The following EIF4G3 variants were observed in gnomAD, a reference collection of about 807,000 sequenced individuals.
EIF4G3 encodes the protein eIF-4-gamma 3.
Under a neutral mutation model 186.4 loss-of-function variants are expected in EIF4G3, and 34 were observed. The observed-to-expected ratio is 0.18, with a 90% CI of 0.14 to 0.24. The LOEUF is 0.24. EIF4G3 is among the 10% of genes least tolerant of loss of function. The pLI, the probability that EIF4G3 is intolerant of heterozygous loss-of-function variation, is 1.00. For missense variants in EIF4G3, 1,536 were observed against 1,948.5 expected, an observed-to-expected ratio of 0.79 and a Z score of 3.99; for synonymous variants, 673 against 679.5, an observed-to-expected ratio of 0.99 and a Z score of 0.15.
At chr1:21,069,100 C>T (rs1013499802) in intron 3 of EIF4G3, among the ~76,000 whole-genome samples, 4 of 152,164 alleles carry the variant, frequency 2.6e-5, no homozygotes, top group African/African-American at 9.7e-5. Flanking sequence ...TTTCATGGCT[C>T]ATTACACTAT....
At chr1:21,045,179 C>T (rs1275090113) in intron 4 of EIF4G3, among the ~76,000 whole-genome samples, 1 of 152,042 alleles carries the variant, frequency 6.6e-6, no homozygotes, top group African/African-American at 2.4e-5. Context: ...AGTCAATGAA[C>T]AATTATGAGA....
chr1:20,990,126 A>G (rs2080742669), intron 7 of EIF4G3, among the ~76,000 whole-genome samples: 2 of 152,218 alleles, frequency 1.3e-5, no homozygotes, highest in Admixed American at 1.3e-4. Flanking sequence ...GTGAGCAGAG[A>G]TTATGCCACT....
chr1:21,084,215 C>T (rs2095882807), intron 3 of EIF4G3, among the ~76,000 whole-genome samples: 1 of 149,802 alleles, frequency 6.7e-6, no homozygotes, highest in Non-Finnish European at 1.5e-5. Flanking sequence ...ATAGAACTAC[C>T]TGAGACTGTG....
intron 13 of EIF4G3, among the ~76,000 whole-genome samples, chr1:20,947,047 A>T (rs1391814824): frequency 6.6e-6 from 1 of 152,210 alleles, no homozygotes; most frequent in Non-Finnish European, 1.5e-5. Context: ...ACAGTGAAGA[A>T]GGAAATTTTT....
At chr1:21,143,277 A>AGG (rs1387322765) in intron 2 of EIF4G3, among the ~76,000 whole-genome samples, 1 of 150,434 alleles carries the variant, frequency 6.6e-6, no homozygotes, top group Non-Finnish European at 1.5e-5. Context: ...AAAGGAGAGG[A>AGG]GGGGAGGGGA....
chr1:20,875,280 G>C (rs2080429925), intron 20 of EIF4G3, among the ~76,000 whole-genome samples: 1 of 152,144 alleles, frequency 6.6e-6, no homozygotes, highest in African/African-American at 2.4e-5. Flanking sequence ...CACTGCACCT[G>C]GTCCTAGTTA....
intron 12 of EIF4G3, among the ~76,000 whole-genome samples, chr1:20,953,123 C>T (rs1178119285): frequency 6.6e-6 from 1 of 152,074 alleles, no homozygotes; most frequent in Non-Finnish European, 1.5e-5. Flanking sequence ...GGAATGAAAA[C>T]TTATAAAATC....
chr1:20,979,100 C>G (rs1204048649), intron 10 of EIF4G3, among the ~76,000 whole-genome samples: 2 of 152,078 alleles, frequency 1.3e-5, no homozygotes, highest in Non-Finnish European at 2.9e-5. Context: ...CTTAATTTTT[C>G]TAGTATCTAC....
chr1:20,857,439 C>G lies in EIF4G3; in HGVS notation c.3303G>C (p.Arg1101=), dbSNP rs750419063. The G allele has an allele frequency of 3.1e-6, 5 of 1,613,898 alleles. No individual in the cohort carries two copies. The East Asian group carries it at 1.1e-4, about 36-fold the overall frequency. The change falls in exon 25 of 37, where the codon CGG becomes CGC. Residue 1101 remains arginine (R), a synonymous_variant. Coordinates refer to ENST00000602326, the MANE Select transcript of EIF4G3 (RefSeq NM_001391906.1). ...TTAGGAATTTTGAGGGGTCCAGTAC[C>G]CGACTGTTCTTGGCCCCTTGTACAG... ...WNTVQGAKNS[R]VLDPSKFLKI...
rs935688678 is a variant in EIF4G3 at position 20,986,591 on chromosome 1, C to A, written c.178-4183G>T. 2.0e-5 allele frequency among the ~76,000 whole-genome samples: 3 copies of A among 150,844 alleles called. No individual in the cohort carries two copies. In the East Asian group the frequency reaches 5.8e-4, roughly 29 times the overall value. ...AAACCCCGTCTCCACTAAAAAAATA[C>A]AAAAAAAATTAGCTGGGCGTGGTGG... On this transcript the variant is annotated intron_variant, in intron 7 of 36. Coordinates refer to ENST00000602326, the MANE Select transcript of EIF4G3 (RefSeq NM_001391906.1).
At chr1:21,039,727 C>T (rs1571499571) in intron 4 of EIF4G3, among the ~76,000 whole-genome samples, 1 of 152,082 alleles carries the variant, frequency 6.6e-6, no homozygotes, top group East Asian at 1.9e-4. Flanking sequence ...AGGCACCTGA[C>T]AGGATAGGAT....
chr1:21,041,595 C>G (rs530247753), intron 4 of EIF4G3, among the ~76,000 whole-genome samples: 1 of 152,088 alleles, frequency 6.6e-6, no homozygotes, highest in Non-Finnish European at 1.5e-5. Context: ...GAGTAATAAA[C>G]AGAATTTTGA....
chr1:20,964,131 G>T (rs1420770939), intron 12 of EIF4G3, among the ~76,000 whole-genome samples: 2 of 152,078 alleles, frequency 1.3e-5, no homozygotes, highest in Admixed American at 1.3e-4. Context: ...TGAGAGATTT[G>T]ATACTGAGCG....
At chr1:21,148,649 C>A (rs968782081) in intron 2 of EIF4G3, among the ~76,000 whole-genome samples, 1 of 150,198 alleles carries the variant, frequency 6.7e-6, no homozygotes, top group Admixed American at 6.7e-5. Flanking sequence ...TTGCAGTGAG[C>A]CGAGATCGCG....
intron 3 of EIF4G3, among the ~76,000 whole-genome samples, chr1:21,061,679 G>A (rs563383127): frequency 7.8e-4 from 118 of 150,368 alleles, no homozygotes; most frequent in Non-Finnish European, 1.4e-3. Flanking sequence ...AATGTCAATT[G>A]TTACATACTC....
intron 29 of EIF4G3, among the ~76,000 whole-genome samples, chr1:20,843,774 A>C (rs1475836449): frequency 6.6e-6 from 1 of 152,200 alleles, no homozygotes; most frequent in Non-Finnish European, 1.5e-5. Flanking sequence ...AGTATCCATT[A>C]GTTATTTTTC....
At chr1:21,134,115 G>C (rs994558169) in intron 2 of EIF4G3, among the ~76,000 whole-genome samples, 1 of 152,062 alleles carries the variant, frequency 6.6e-6, no homozygotes, top group Non-Finnish European at 1.5e-5. Context: ...CCCTTTATAA[G>C]ATTAAAATCT....
chr1:20,821,172 T>C (rs2062250809), intron 33 of EIF4G3, among the ~76,000 whole-genome samples: 1 of 152,152 alleles, frequency 6.6e-6, no homozygotes, highest in South Asian at 2.1e-4. Flanking sequence ...TAAAAGATAC[T>C]TCAGCATGAA....
intron 2 of EIF4G3, among the ~76,000 whole-genome samples, chr1:21,155,890 G>A (rs992044717): frequency 3.6e-4 from 54 of 152,038 alleles, no homozygotes; most frequent in Admixed American, 3.9e-4. Context: ...ACTTTGAGAC[G>A]CTGAGGCAGG....
Sources: allele counts gnomAD v4.1 joint callset (sites outside exome capture counted in the v4.1 genomes callset), GRCh38; gene constraint gnomAD v4.1.1; transcripts MANE v1.5; gene names NCBI Gene and HGNC (gene_info 2026-07-23, HGNC 2026-07-21).